RFTN1: variants seen among roughly 807,000 people sequenced by gnomAD.
RFTN1 encodes raftlin.
A neutral mutation model predicts 46.5 loss-of-function variants in RFTN1; 26 were observed. The ratio of observed to expected loss-of-function variants is 0.56; its 90% confidence interval spans 0.41 to 0.78. The LOEUF (loss-of-function observed/expected upper bound fraction) is 0.78. Among genes scored for constraint, RFTN1 ranks in the 30% least tolerant of loss-of-function variants. The pLI is 0.00. For synonymous variants in RFTN1, 261 were observed against 284.2 expected (o/e 0.92, Z 0.82); for missense variants, 693 against 718.7 (o/e 0.96, Z 0.41).
At chr3:16,401,492 C>T (rs747714624) in intron 4 of RFTN1, among the ~76,000 whole-genome samples, 6 of 152,178 alleles carry the variant, frequency 3.9e-5, no homozygotes, top group Admixed American at 2.6e-4. Flanking sequence ...TGGCCAAACC[C>T]GGTGGGCCCC....
intron 2 of RFTN1, chr3:16,482,819 C>T: frequency 6.5e-7 from 1 of 1,536,068 alleles, no homozygotes; most frequent in South Asian, 1.2e-5. Context: ...AGGGAGGGCG[C>T]AGGGGCAGAA....
intron 1 of RFTN1, among the ~76,000 whole-genome samples, chr3:16,502,460 C>T (rs1270143648): frequency 1.3e-5 from 2 of 152,130 alleles, no homozygotes; most frequent in Non-Finnish European, 2.9e-5. Context: ...GGACGACCCT[C>T]AGTGATCCTC....
Position 16,383,730 on chromosome 3 carries a change from G to A in RFTN1, c.442-5628C>T, listed in dbSNP as rs1414162795. ...AGAAATCAGAAAGAAGTGAGACACAGGTTGGATTTCATAAAAATGAAGGCT... is the reference window on the plus strand; with the variant it reads ...AGAAATCAGAAAGAAGTGAGACACAAGTTGGATTTCATAAAAATGAAGGCT... On this transcript the variant is annotated intron_variant, in intron 4 of 9. Transcript: ENST00000334133. The surrounding 1 kb of genome is among the most constrained non-coding windows in gnomAD (Gnocchi z 4.0). Among the ~76,000 whole-genome samples the A allele has an allele frequency of 6.6e-6, 1 of 152,202 alleles. No individual in the cohort carries two copies. The highest frequency in any genetic ancestry group is 2.4e-5 in the African/African-American group (1 of 41,442).
rs143871750 is a variant in RFTN1, at chr3:16,320,841, C to T, written c.1332+2535G>A. Among the ~76,000 whole-genome samples, 60 of 152,308 alleles carry T rather than the reference C, an allele frequency of 3.9e-4. No homozygotes were observed. The highest frequency in any genetic ancestry group is 1.3e-3 in the African/African-American group (56 of 41,570). On this transcript the variant is annotated intron_variant, in intron 9 of 9. Transcript: ENST00000334133. This position sits in a 1 kb window ranked among gnomAD's most constrained non-coding sequence, Gnocchi z 4.5. ...GCCTTGAGGGCCACAGTACTGATTT[C>T]CATCTTTGTCTTCAGAGTCATACAA...
intron 2 of RFTN1, among the ~76,000 whole-genome samples, chr3:16,463,800 T>G (rs1306255080): frequency 1.3e-5 from 2 of 152,198 alleles, no homozygotes; most frequent in Non-Finnish European, 2.9e-5. Flanking sequence ...TGAAGTTATC[T>G]TCCTCAAGAG....
rs1313973204 is a variant in RFTN1 at position 16,483,277 on chromosome 3, A to G, written c.145+10448T>C. On this transcript the variant is annotated intron_variant, in intron 2 of 9. Coordinates refer to ENST00000334133, the MANE Select transcript of RFTN1 (RefSeq NM_015150.2). This position sits in a 1 kb window ranked among gnomAD's most constrained non-coding sequence, Gnocchi z 4.8. ...TAAACCAAGAATCCTCCTGTAATGC[A>G]AATAAGTACTCATCCCCTCCAATTC... Among the ~76,000 whole-genome samples the G allele has an allele frequency of 1.3e-5, 2 of 152,178 alleles. No individual in the cohort carries two copies. The highest frequency in any genetic ancestry group is 2.9e-5 in the Non-Finnish European group (2 of 68,042).
chr3:16,417,565 A>G (rs144720025), intron 3 of RFTN1, among the ~76,000 whole-genome samples: 2 of 152,264 alleles, frequency 1.3e-5, no homozygotes, highest in East Asian at 3.9e-4. Flanking sequence ...ATACACAAAC[A>G]TCAACTGTAA....
Position 16,500,400 on chromosome 3 carries a change from A to G in RFTN1, c.-8-6523T>C, listed in dbSNP as rs2076692248. On this transcript the variant is annotated intron_variant, in intron 1 of 9. Coordinates refer to ENST00000334133, the MANE Select transcript of RFTN1 (RefSeq NM_015150.2). The surrounding 1 kb of genome is among the most constrained non-coding windows in gnomAD (Gnocchi z 5.9). ...GGGTCTCCCGAGCATCAAGGTACCA[A>G]GAAAAACTTTCCAAGAAGTCTTCAA... 6.6e-6 allele frequency among the ~76,000 whole-genome samples: 1 copy of G among 152,194 alleles called. No individual in the cohort carries two copies. Among genetic ancestry groups the G allele is most frequent in the Admixed American group, 6.5e-5 (1 of 15,284 alleles).
At chr3:16,434,859 G>A (rs1007433866) in intron 2 of RFTN1, 2 of 152,002 alleles carry the variant, frequency 1.3e-5, no homozygotes, top group Non-Finnish European at 2.9e-5. Context: ...TTTTAAACGG[G>A]AAAAATATAT....
rs574653835 is a variant in RFTN1 at position 16,407,488 on chromosome 3, A to C, written c.441+1887T>G. Reference sequence around the variant, plus strand: ...GATTACCAGCTGAGCCACTGTGCCCAGCCTCAAATCACATGTTTTTAAAAA... The same window carrying C: ...GATTACCAGCTGAGCCACTGTGCCCCGCCTCAAATCACATGTTTTTAAAAA... On this transcript the variant is annotated intron_variant, in intron 4 of 9. Transcript: ENST00000334133. This position sits in a 1 kb window ranked among gnomAD's most constrained non-coding sequence, Gnocchi z 4.0. Among the ~76,000 whole-genome samples the C allele has an allele frequency of 8.5e-5, 13 of 152,112 alleles. No homozygotes were observed. The highest frequency in any genetic ancestry group is 1.9e-4 in the Non-Finnish European group (13 of 68,024).
chr3:16,481,483 T>C lies in RFTN1; in HGVS notation c.145+12242A>G, dbSNP rs536108745. Among the ~76,000 whole-genome samples, 2 of 152,216 alleles carry C rather than the reference T, an allele frequency of 1.3e-5. No individual in the cohort carries two copies. The highest frequency in any genetic ancestry group is 2.9e-5 in the Non-Finnish European group (2 of 68,038). On this transcript the variant is annotated intron_variant, in intron 2 of 9. Coordinates refer to ENST00000334133, the MANE Select transcript of RFTN1 (RefSeq NM_015150.2). This position sits in a 1 kb window ranked among gnomAD's most constrained non-coding sequence, Gnocchi z 5.1. ...GAACCTCAACTCATAACTCATGCCATTGACTTCCTTGCATGAATCTCAAAA... is the reference window on the plus strand; with the variant it reads ...GAACCTCAACTCATAACTCATGCCACTGACTTCCTTGCATGAATCTCAAAA...
rs1391578526 is a variant in RFTN1 at position 16,500,771 on chromosome 3, A to G, written c.-8-6894T>C. Reference sequence around the variant, plus strand: ...CATGAGGGAGGGAAATTATGTTCCAAATTCATTCATCCATCCATTCATTCA... The same window carrying G: ...CATGAGGGAGGGAAATTATGTTCCAGATTCATTCATCCATCCATTCATTCA... On this transcript the variant is annotated intron_variant, in intron 1 of 9. Coordinates refer to ENST00000334133, the MANE Select transcript of RFTN1 (RefSeq NM_015150.2). The surrounding 1 kb of genome is among the most constrained non-coding windows in gnomAD (Gnocchi z 5.9). 1.3e-5 allele frequency among the ~76,000 whole-genome samples: 2 copies of G among 152,180 alleles called. No individual in the cohort carries two copies. Among genetic ancestry groups the G allele is most frequent in the Admixed American group, 6.5e-5 (1 of 15,278 alleles).
In RFTN1 at chr3:16,327,810, GA is replaced by G. The variant is rs567970455; in HGVS notation, c.1147-935del. ...AACTTCAGCCCCCTGCTAGCACAGG[GA>G]GAGAGCCCTGATGTGAGGCCCCTGC... On this transcript the variant is annotated intron_variant, in intron 7 of 9. Coordinates refer to ENST00000334133, the MANE Select transcript of RFTN1 (RefSeq NM_015150.2). The surrounding 1 kb of genome is among the most constrained non-coding windows in gnomAD (Gnocchi z 4.2). Among the ~76,000 whole-genome samples the G allele has an allele frequency of 1.7e-3, 246 of 146,284 alleles. No individual in the cohort carries two copies. The highest frequency in any genetic ancestry group is 6.2e-3 in the African/African-American group (240 of 38,940).
At chr3:16,357,164 A>G in intron 7 of RFTN1, among the ~76,000 whole-genome samples, 1 of 151,934 alleles carries the variant, frequency 6.6e-6, no homozygotes, top group East Asian at 1.9e-4. Flanking sequence ...AAAAAAAACC[A>G]AGAATTCAGT....
Position 16,425,989 on chromosome 3 carries a change from G to C in RFTN1, c.332+7862C>G, listed in dbSNP as rs1344671051. Among the ~76,000 whole-genome samples, 2 of 152,102 alleles carry C rather than the reference G, an allele frequency of 1.3e-5. No homozygotes were observed. Among genetic ancestry groups the C allele is most frequent in the Non-Finnish European group, 2.9e-5 (2 of 68,018 alleles). On this transcript the variant is annotated intron_variant, in intron 3 of 9. Transcript: ENST00000334133. The surrounding 1 kb of genome is among the most constrained non-coding windows in gnomAD (Gnocchi z 4.3). ...ACGGGTGTTCGCCCCACCTAAATCG[G>C]AATCCAAAATAACGACCCACATGCT...
Position 16,316,721 on chromosome 3 carries a change from A to C in RFTN1, c.*107T>G. 2.2e-6 allele frequency: 3 copies of C among 1,377,218 alleles called. No individual in the cohort carries two copies. The highest frequency in any genetic ancestry group is 2.0e-6 in the Non-Finnish European group (2 of 978,452). 85.3% of individuals were successfully genotyped at this position (1,377,218 alleles called of 1,614,324 possible). A position where few individuals can be genotyped will look rare whatever the true frequency, so the allele number is the denominator to read the frequency against. ...CACAAGGAGAGGTCAAGCCAAGCCA[A>C]AGGGTAGGTAACACACAACACCAGG... On this transcript the variant is annotated 3_prime_UTR_variant, in exon 10 of 10. Transcript: ENST00000334133. The surrounding 1 kb of genome is among the most constrained non-coding windows in gnomAD (Gnocchi z 4.5).
At chr3:16,347,200 C>T (rs2071781679) in intron 7 of RFTN1, among the ~76,000 whole-genome samples, 1 of 152,226 alleles carries the variant, frequency 6.6e-6, no homozygotes, top group Non-Finnish European at 1.5e-5. Flanking sequence ...CTTGCCTCAC[C>T]CACACGGTCT....
At chr3:16,456,378 C>T (rs1264913702) in intron 2 of RFTN1, among the ~76,000 whole-genome samples, 2 of 152,148 alleles carry the variant, frequency 1.3e-5, no homozygotes, top group Admixed American at 1.3e-4. Context: ...TAAGGTACTC[C>T]AGCCTCTGGG....
Position 16,382,177 on chromosome 3 carries a change from G to A in RFTN1, c.442-4075C>T, listed in dbSNP as rs1313767311. On this transcript the variant is annotated intron_variant, in intron 4 of 9. Coordinates refer to ENST00000334133, the MANE Select transcript of RFTN1 (RefSeq NM_015150.2). The surrounding 1 kb of genome is among the most constrained non-coding windows in gnomAD (Gnocchi z 4.7). The stretch of plus-strand genomic sequence containing the variant: ...CCTGGAAGTAGAATTAATGAATGAA[G>A]GGATATTAACTTTTCAAAGGCTTGG... Among the ~76,000 whole-genome samples the A allele has an allele frequency of 6.6e-6, 1 of 152,172 alleles. No individual in the cohort carries two copies. The highest frequency in any genetic ancestry group is 6.5e-5 in the Admixed American group (1 of 15,278).
Sources: gnomAD v4.1 joint callset for allele counts (sites outside exome capture counted in the v4.1 genomes callset) on GRCh38, gnomAD v4.1.1 for gene constraint, Gnocchi (gnomAD v3.1) non-coding constraint, MANE v1.5 for transcripts, NCBI Gene and HGNC (gene_info 2026-07-23, HGNC 2026-07-21) for gene names.